The following PTPRD variants were observed in gnomAD, a reference collection of about 807,000 sequenced individuals.
PTPRD encodes the protein receptor-type tyrosine-protein phosphatase delta.
Under a neutral mutation model 214.5 loss-of-function variants are expected in PTPRD, and 34 were observed. That is an observed-to-expected ratio of 0.16 (90% CI 0.12 to 0.21). The LOEUF is 0.21. PTPRD is among the 10% of genes least tolerant of loss of function. The pLI, the probability that PTPRD is intolerant of heterozygous loss-of-function variation, is 1.00. For missense variants in PTPRD, 2,545 were observed against 2,398.7 expected (o/e 1.06, Z -1.27); for synonymous variants, 1,128 against 845.7 (o/e 1.33, Z -5.79).
chr9:8,433,139 G>T (rs549197471), intron 35 of PTPRD, among the ~76,000 whole-genome samples: 3 of 152,248 alleles, frequency 2.0e-5, no homozygotes, highest in East Asian at 3.9e-4. Flanking sequence ...ACAAATAAGA[G>T]ACTGATCCAT....
At chr9:8,573,134 T>G (rs2091586262) in intron 14 of PTPRD, among the ~76,000 whole-genome samples, 1 of 152,034 alleles carries the variant, frequency 6.6e-6, no homozygotes, top group Non-Finnish European at 1.5e-5. Context: ...CCTCTGGCTA[T>G]GTATTGCTAC....
intron 35 of PTPRD, among the ~76,000 whole-genome samples, chr9:8,415,758 A>T (rs1199696412): frequency 6.6e-6 from 1 of 152,088 alleles, no homozygotes; most frequent in African/African-American, 2.4e-5. Flanking sequence ...GCCAGGGAGG[A>T]CGATGACCAT....
At chr9:9,770,881 T>C (rs1054979979) in intron 5 of PTPRD, among the ~76,000 whole-genome samples, 2 of 152,166 alleles carry the variant, frequency 1.3e-5, no homozygotes, top group African/African-American at 2.4e-5. Context: ...GCTGTTATTT[T>C]ACAGTTACTG....
At chr9:10,578,218 G>T (rs1356714221) in intron 2 of PTPRD, among the ~76,000 whole-genome samples, 1 of 151,826 alleles carries the variant, frequency 6.6e-6, no homozygotes, top group Non-Finnish European at 1.5e-5. Flanking sequence ...CCCATTACAA[G>T]GTATTTCACT....
chr9:8,636,484 G>A (rs892095179), intron 13 of PTPRD, among the ~76,000 whole-genome samples: 2 of 152,104 alleles, frequency 1.3e-5, no homozygotes, highest in African/African-American at 4.8e-5. Context: ...ATACTATTGA[G>A]CCCTGGCACA....
intron 5 of PTPRD, among the ~76,000 whole-genome samples, chr9:9,897,825 A>G (rs79487538): frequency 0.023 from 3,450 of 152,188 alleles, 154 homozygotes; most frequent in African/African-American, 0.079. Context: ...TCTGACTCTT[A>G]GCTAAATTCA....
At chr9:8,403,647 A>G (rs2092680311) in intron 36 of PTPRD, among the ~76,000 whole-genome samples, 1 of 152,222 alleles carries the variant, frequency 6.6e-6, no homozygotes, top group South Asian at 2.1e-4. Flanking sequence ...AGAGTTGAGG[A>G]GCAACCCTCA....
chr9:9,891,452 C>T (rs890699589), intron 5 of PTPRD, among the ~76,000 whole-genome samples: 2 of 151,444 alleles, frequency 1.3e-5, no homozygotes, highest in African/African-American at 2.4e-5. Flanking sequence ...TAGAGAAAGC[C>T]ATTACTAACA....
chr9:10,494,945 T>C (rs1433772327), intron 2 of PTPRD, among the ~76,000 whole-genome samples: 1 of 151,734 alleles, frequency 6.6e-6, no homozygotes, highest in Non-Finnish European at 1.5e-5. Flanking sequence ...TCAAATGTAT[T>C]GTTGCCATAT....
intron 7 of PTPRD, among the ~76,000 whole-genome samples, chr9:9,654,344 G>C (rs995715073): frequency 1.3e-5 from 2 of 152,028 alleles, no homozygotes; most frequent in Admixed American, 6.6e-5. Context: ...GATAAGTAAT[G>C]ATTTCAATAT....
chr9:8,702,153 G>C (rs2098101232), intron 12 of PTPRD, among the ~76,000 whole-genome samples: 1 of 151,758 alleles, frequency 6.6e-6, no homozygotes, highest in East Asian at 1.9e-4. Flanking sequence ...TTCCCTGTCA[G>C]ACGGTTGCTT....
At chr9:9,839,684 C>A (rs1599362329) in intron 5 of PTPRD, among the ~76,000 whole-genome samples, 1 of 151,834 alleles carries the variant, frequency 6.6e-6, no homozygotes, top group African/African-American at 2.4e-5. Context: ...ACTTTCTTCA[C>A]AGAATTGGAA....
chr9:10,285,846 C>A (rs999302611), intron 3 of PTPRD, among the ~76,000 whole-genome samples: 1 of 151,754 alleles, frequency 6.6e-6, no homozygotes, highest in East Asian at 1.9e-4. Flanking sequence ...CCTGACCTCG[C>A]GATCCGCCCG....
intron 10 of PTPRD, among the ~76,000 whole-genome samples, chr9:9,085,177 G>A (rs1397121258): frequency 6.6e-6 from 1 of 151,954 alleles, no homozygotes; most frequent in Non-Finnish European, 1.5e-5. Context: ...TTCTCTTTCT[G>A]TCATTTTAAT....
intron 6 of PTPRD, among the ~76,000 whole-genome samples, chr9:9,749,515 A>T (rs964307626): frequency 6.6e-6 from 1 of 152,178 alleles, no homozygotes; most frequent in South Asian, 2.1e-4. Context: ...ACTGGATGAC[A>T]TTATCAGATA....
At chr9:8,857,965 C>T (rs999048871) in intron 11 of PTPRD, among the ~76,000 whole-genome samples, 1 of 148,756 alleles carries the variant, frequency 6.7e-6, no homozygotes, top group African/African-American at 2.5e-5. Flanking sequence ...TCCTCCTCCT[C>T]TTCCCGGGCC....
chr9:9,089,753 G>C (rs548821530), intron 10 of PTPRD, among the ~76,000 whole-genome samples: 11 of 152,250 alleles, frequency 7.2e-5, no homozygotes, highest in Admixed American at 7.2e-4. Flanking sequence ...CAACATACTT[G>C]TCAGGGCTGG....
intron 9 of PTPRD, among the ~76,000 whole-genome samples, chr9:9,381,757 A>G (rs923285929): frequency 6.6e-6 from 1 of 151,676 alleles, no homozygotes; most frequent in Non-Finnish European, 1.5e-5. Flanking sequence ...AAAGTTTGCA[A>G]TACGAGTTTG....
At chr9:8,450,625 T>A (rs2095900472) in intron 33 of PTPRD, among the ~76,000 whole-genome samples, 1 of 152,204 alleles carries the variant, frequency 6.6e-6, no homozygotes. Context: ...ACACAATACA[T>A]TTTAACTTTG....
Sources: gnomAD v4.1 joint callset for allele counts (sites outside exome capture counted in the v4.1 genomes callset) on GRCh38, gnomAD v4.1.1 for gene constraint, MANE v1.5 for transcripts, NCBI Gene and HGNC (gene_info 2026-07-23, HGNC 2026-07-21) for gene names.